The following PACRG variants were observed in gnomAD, a reference collection of about 807,000 sequenced individuals.
PACRG encodes the protein parkin coregulated.
Under a neutral mutation model 29.7 loss-of-function variants are expected in PACRG, and 29 were observed. The ratio of observed to expected loss-of-function variants is 0.98; its 90% CI spans 0.73 to 1.33. PACRG has a LOEUF of 1.33. PACRG is among the 40% of genes most tolerant of loss of function. PACRG has a pLI of 0.00. For missense variants in PACRG, 279 were observed against 316.2 expected, an observed-to-expected ratio of 0.88 and a Z score of 0.89; for synonymous variants, 116 against 118.7, an observed-to-expected ratio of 0.98 and a Z score of 0.15.
At chr6:163,050,322 T>C (rs1473832221) in intron 2 of PACRG, among the ~76,000 whole-genome samples, 1 of 152,158 alleles carries the variant, frequency 6.6e-6, no homozygotes, top group Non-Finnish European at 1.5e-5. Context: ...TCAATAACTT[T>C]ATCCTCATCT....
intron 1 of PACRG, among the ~76,000 whole-genome samples, chr6:162,799,117 G>A (rs961449072): frequency 6.6e-6 from 1 of 152,148 alleles, no homozygotes; most frequent in African/African-American, 2.4e-5. Context: ...AGTTCAATCT[G>A]CATGTGGATT....
chr6:162,804,378 C>T (rs1240265238), intron 1 of PACRG, among the ~76,000 whole-genome samples: 1 of 152,136 alleles, frequency 6.6e-6, no homozygotes. Context: ...AGGACAGTGA[C>T]TGAGGGACAT....
At chr6:162,970,046 A>G (rs985794386) in intron 2 of PACRG, among the ~76,000 whole-genome samples, 1 of 152,168 alleles carries the variant, frequency 6.6e-6, no homozygotes, top group African/African-American at 2.4e-5. Flanking sequence ...TTTCTATAAA[A>G]TCAGTTGGAC....
chr6:163,232,237 G>A (rs946462041), intron 4 of PACRG, among the ~76,000 whole-genome samples: 5 of 152,120 alleles, frequency 3.3e-5, no homozygotes, highest in East Asian at 1.9e-4. Context: ...GAAGATTAGC[G>A]TCACACTCTT....
In PACRG at chr6:162,728,024, A is replaced by G; in HGVS notation, c.-212A>G. ...TGGAAGCTTGTTGCAGCTCTAGCCA[A>G]GGTCCTGCCCTCTTCCCGCCCCGCC... On this transcript the variant is annotated 5_prime_UTR_variant, in exon 1 of 5. Coordinates refer to ENST00000366888, the MANE Select transcript of PACRG (RefSeq NM_001080379.2). 2 of 668,996 alleles carry G rather than the reference A, an allele frequency of 3.0e-6. No individual in the cohort carries two copies. The highest frequency in any genetic ancestry group is 3.6e-5 in the South Asian group (2 of 54,932). The allele number at this position is 668,996 out of a possible 1,614,324, so 41.4% of individuals were successfully genotyped here.
chr6:162,851,997 G>GGA (rs1562663764), intron 2 of PACRG, among the ~76,000 whole-genome samples: 17 of 60,914 alleles, frequency 2.8e-4, no homozygotes, highest in Non-Finnish European at 3.5e-4. Context: ...GGGAGGGAGG[G>GGA]AGGGAGGGAG....
intron 2 of PACRG, among the ~76,000 whole-genome samples, chr6:162,974,656 T>G (rs1322169761): frequency 6.6e-6 from 1 of 152,244 alleles, no homozygotes; most frequent in Non-Finnish European, 1.5e-5. Context: ...ATGCATTGTT[T>G]CCTTAAATAA....
At chr6:162,865,731 C>T (rs1191040338) in intron 2 of PACRG, among the ~76,000 whole-genome samples, 5 of 152,108 alleles carry the variant, frequency 3.3e-5, no homozygotes, top group African/African-American at 1.2e-4. Context: ...ATGTAATTAG[C>T]ATTCAGAAAG....
chr6:163,221,148 T>C (rs192747976), intron 4 of PACRG, among the ~76,000 whole-genome samples: 1 of 152,344 alleles, frequency 6.6e-6, no homozygotes, highest in African/African-American at 2.4e-5. Flanking sequence ...CTAGAAAGCA[T>C]TTCATTATCT....
chr6:163,077,663 G>A (rs778840547), intron 3 of PACRG, among the ~76,000 whole-genome samples: 10 of 152,002 alleles, frequency 6.6e-5, no homozygotes, highest in South Asian at 4.1e-4. Flanking sequence ...TATTCTGAAC[G>A]TGATCATAAT....
intron 4 of PACRG, among the ~76,000 whole-genome samples, chr6:163,246,957 G>A (rs537451483): frequency 4.1e-4 from 63 of 152,272 alleles, no homozygotes; most frequent in African/African-American, 1.5e-3. Flanking sequence ...CACAGTACAG[G>A]GCAATGTCCT....
At chr6:162,815,359 T>A (rs1787244625) in intron 2 of PACRG, among the ~76,000 whole-genome samples, 1 of 150,896 alleles carries the variant, frequency 6.6e-6, no homozygotes, top group Non-Finnish European at 1.5e-5. Flanking sequence ...TAAAATTAAA[T>A]TTTTCCTTCC....
At chr6:162,964,412 A>G (rs913663395) in intron 2 of PACRG, among the ~76,000 whole-genome samples, 8 of 152,198 alleles carry the variant, frequency 5.3e-5, no homozygotes, top group African/African-American at 1.9e-4. Flanking sequence ...GCCTTCTTTT[A>G]TCTTCATTAT....
Position 162,853,992 on chromosome 6 carries a change from A to C in PACRG, c.291+39711A>C, listed in dbSNP as rs1420986255. On this transcript the variant is annotated intron_variant, in intron 2 of 4. Transcript: ENST00000366888. The surrounding 1 kb of genome is among the most constrained non-coding windows in gnomAD (Gnocchi z 4.7). Reference sequence around the variant, plus strand: ...TCATTAGTATCATTATACATTTAAAATCTCTAACATATTCTATGGTCAACA... The same window carrying C: ...TCATTAGTATCATTATACATTTAAACTCTCTAACATATTCTATGGTCAACA... 2.0e-5 allele frequency among the ~76,000 whole-genome samples: 3 copies of C among 151,990 alleles called. No individual in the cohort carries two copies. The highest frequency in any genetic ancestry group is 7.2e-5 in the African/African-American group (3 of 41,396).
In PACRG at chr6:162,757,708, AAAAT is replaced by A. The variant is rs966956859; in HGVS notation, c.156+29337_156+29340del. Among the ~76,000 whole-genome samples the A allele has an allele frequency of 3.9e-5, 6 of 152,128 alleles. No individual in the cohort carries two copies. The East Asian group carries it at 5.8e-4, about 15-fold the overall frequency. ...GATGGCAGAGCGAGACTCTGTCTAAAAAATAAATAAATAAATAAATAAAATTAAA... is the reference window on the plus strand; with the variant it reads ...GATGGCAGAGCGAGACTCTGTCTAAAAAATAAATAAATAAATAAAATTAAA... On this transcript the variant is annotated intron_variant, in intron 1 of 4. Coordinates refer to ENST00000366888, the MANE Select transcript of PACRG (RefSeq NM_001080379.2).
intron 4 of PACRG, among the ~76,000 whole-genome samples, chr6:163,136,865 G>A (rs141755219): frequency 4.6e-5 from 7 of 152,296 alleles, no homozygotes; most frequent in African/African-American, 1.7e-4. Context: ...GATTGGAAAT[G>A]TTCCTGTTTT....
Position 163,221,250 on chromosome 6 carries a change from C to A in PACRG, c.614-93577C>A, listed in dbSNP as rs556614350. Among the ~76,000 whole-genome samples, 283 of 152,210 alleles carry A rather than the reference C, an allele frequency of 1.9e-3. 1 individual carries two copies. The highest frequency in any genetic ancestry group is 6.4e-3 in the African/African-American group (266 of 41,530). The stretch of plus-strand genomic sequence containing the variant: ...TTCCTAGTTATTTGTTCCTGTATTC[C>A]CAAATAAAACAGAGTCCAGAGATAG... On this transcript the variant is annotated intron_variant, in intron 4 of 4. Coordinates refer to ENST00000366888, the MANE Select transcript of PACRG (RefSeq NM_001080379.2).
chr6:162,934,628 T>A (rs1798105316), intron 2 of PACRG, among the ~76,000 whole-genome samples: 1 of 152,218 alleles, frequency 6.6e-6, no homozygotes, highest in South Asian at 2.1e-4. Flanking sequence ...TTGCTAATTG[T>A]TTTCTGATTA....
At chr6:162,944,485 T>G (rs978062505) in intron 2 of PACRG, among the ~76,000 whole-genome samples, 17 of 152,010 alleles carry the variant, frequency 1.1e-4, no homozygotes, top group African/African-American at 3.9e-4. Flanking sequence ...AAAACAAAAT[T>G]TATGAAATCC....
Sources: gnomAD v4.1 joint callset for allele counts (sites outside exome capture counted in the v4.1 genomes callset) on GRCh38, gnomAD v4.1.1 for gene constraint, Gnocchi (gnomAD v3.1) non-coding constraint, MANE v1.5 for transcripts, NCBI Gene and HGNC (gene_info 2026-07-23, HGNC 2026-07-21) for gene names.